The following LIPC variants were observed in gnomAD, a reference collection of about 807,000 sequenced individuals.
LIPC encodes hepatic triacylglycerol lipase.
LIPC carries 44 observed loss-of-function variants against 50.7 expected under a neutral mutation model. That is an observed-to-expected ratio of 0.87 (90% CI 0.68 to 1.11). The LOEUF is 1.11. Among genes scored for constraint, LIPC ranks in the 50% most tolerant of loss-of-function variants. The probability of loss-of-function intolerance (pLI) is 0.00; values close to 1 mark genes in which losing one functional copy is unlikely to be tolerated. For missense variants in LIPC, 697 were observed against 648.2 expected (o/e 1.08, Z -0.82); for synonymous variants, 271 against 256.4 (o/e 1.06, Z -0.54).
intron 1 of LIPC, among the ~76,000 whole-genome samples, chr15:58,530,891 T>C (rs1892940776): frequency 6.6e-6 from 1 of 152,254 alleles, no homozygotes; most frequent in Admixed American, 6.5e-5. Context: ...TATGCGACAA[T>C]TTGTTTATCC....
At position 58,490,546 on chromosome 15, in the gene LIPC, G is replaced by A. The variant is rs571237830; in HGVS notation, c.89-47787G>A. On this transcript the variant is annotated intron_variant, in intron 1 of 8. Transcript: ENST00000299022. ...CTCACCTCCGGAGAGAATGCAAGGC[G>A]CCCTCCTTCCAAATCTGGCCCGTCA... Among the ~76,000 whole-genome samples, 8 of 152,192 alleles carry A rather than the reference G, an allele frequency of 5.3e-5. 2 individuals carry two copies. The South Asian group carries it at 1.5e-3, about 28-fold the overall frequency.
Position 58,439,433 on chromosome 15 carries a change from G to T in LIPC, c.88+7313G>T, listed in dbSNP as rs1021690330. Among the ~76,000 whole-genome samples, 5 of 152,104 alleles carry T rather than the reference G, an allele frequency of 3.3e-5. 1 individual carries two copies. Among genetic ancestry groups the T allele is most frequent in the African/African-American group, 1.2e-4 (5 of 41,420 alleles). On this transcript the variant is annotated intron_variant, in intron 1 of 8. Transcript: ENST00000299022. ...TAGTGGGTAATGAAGCACCTAAAAG[G>T]CTGCTTTTTTTGTTTGTTTGTTTTT... is the stretch of plus-strand genomic sequence containing the variant.
chr15:58,554,970 G>A (rs72743035), intron 6 of LIPC, among the ~76,000 whole-genome samples: 1 of 152,132 alleles, frequency 6.6e-6, no homozygotes, highest in Admixed American at 6.5e-5. Context: ...TCCCTGGTGA[G>A]CCTCAGAAAG....
At chr15:58,447,387 G>C (rs1893734991) in intron 1 of LIPC, among the ~76,000 whole-genome samples, 1 of 152,074 alleles carries the variant, frequency 6.6e-6, no homozygotes, top group African/African-American at 2.4e-5. Context: ...CTGCCCTCCA[G>C]ACCACAAGTC....
rs529923503 is a variant in LIPC, at chr15:58,434,469, G to A, written c.88+2349G>A. 3.7e-4 allele frequency among the ~76,000 whole-genome samples: 57 copies of A among 152,230 alleles called. 1 individual carries two copies. The South Asian group carries it at 9.7e-3, about 26-fold the overall frequency. On this transcript the variant is annotated intron_variant, in intron 1 of 8. Transcript: ENST00000299022. ...GCTGGCAGTTAAGTGCCTTGCCGGCGGTCGCATAGCTGGTCAGGGCAGAGC... is the reference window on the plus strand; with the variant it reads ...GCTGGCAGTTAAGTGCCTTGCCGGCAGTCGCATAGCTGGTCAGGGCAGAGC...
chr15:58,489,525 C>T (rs965185005), intron 1 of LIPC, among the ~76,000 whole-genome samples: 5 of 152,068 alleles, frequency 3.3e-5, no homozygotes, highest in Non-Finnish European at 5.9e-5. Flanking sequence ...GGTCCTTGTG[C>T]ACTCAGTTGG....
At chr15:58,562,808 C>A (rs1187749240) in intron 7 of LIPC, among the ~76,000 whole-genome samples, 2 of 151,338 alleles carry the variant, frequency 1.3e-5, no homozygotes, top group African/African-American at 2.4e-5. Flanking sequence ...ACAAGGGACC[C>A]CCCCCCAACC....
At chr15:58,507,356 G>A (rs553987071) in intron 1 of LIPC, among the ~76,000 whole-genome samples, 1 of 151,866 alleles carries the variant, frequency 6.6e-6, no homozygotes, top group Admixed American at 6.5e-5. Context: ...AGGAAGGAAG[G>A]AAGCAAAGAA....
chr15:58,478,851 A>G (rs1212574804), intron 1 of LIPC, among the ~76,000 whole-genome samples: 2 of 152,248 alleles, frequency 1.3e-5, no homozygotes, highest in African/African-American at 4.8e-5. Context: ...GAATAAATGA[A>G]TGAATGAGAA....
At chr15:58,477,487 G>A (rs1891039741) in intron 1 of LIPC, among the ~76,000 whole-genome samples, 1 of 152,194 alleles carries the variant, frequency 6.6e-6, no homozygotes, top group Non-Finnish European at 1.5e-5. Context: ...ATGAGCCAAA[G>A]CAATTTTGAA....
At chr15:58,472,290 A>G (rs1018605745) in intron 1 of LIPC, among the ~76,000 whole-genome samples, 40 of 147,644 alleles carry the variant, frequency 2.7e-4, no homozygotes, top group Admixed American at 8.1e-4. Context: ...AAAAAAAAAA[A>G]AAAGAAATCT....
intron 1 of LIPC, among the ~76,000 whole-genome samples, chr15:58,438,321 G>T (rs1893379366): frequency 6.6e-6 from 1 of 152,068 alleles, no homozygotes; most frequent in East Asian, 1.9e-4. Flanking sequence ...CCTCAGCCTG[G>T]GTGTCCCTGA....
At position 58,440,531 on chromosome 15, in the gene LIPC, C is replaced by A. The variant is rs1394685926; in HGVS notation, c.88+8411C>A. On this transcript the variant is annotated intron_variant, in intron 1 of 8. Coordinates refer to ENST00000299022, the MANE Select transcript of LIPC (RefSeq NM_000236.3). ...CCCATGGTCAGTAGGAAAGTATATC[C>A]CTGAGGGTACAAAAATGAAAAAGCG... Among the ~76,000 whole-genome samples, 14 of 152,278 alleles carry A rather than the reference C, an allele frequency of 9.2e-5. No individual in the cohort carries two copies. The South Asian group carries it at 2.3e-3, about 25-fold the overall frequency.
chr15:58,546,862 G>T (rs2140924253), intron 5 of LIPC, among the ~76,000 whole-genome samples: 1 of 152,068 alleles, frequency 6.6e-6, no homozygotes, highest in South Asian at 2.1e-4. Context: ...TCTCATTTTG[G>T]CTGGACTCCC....
At chr15:58,470,935 TCCTAATA>T (rs1187286887) in intron 1 of LIPC, among the ~76,000 whole-genome samples, 4 of 152,068 alleles carry the variant, frequency 2.6e-5, no homozygotes, top group African/African-American at 7.2e-5. Context: ...CTTTTCATCT[TCCTAATA>T]CCTAACACCT....
chr15:58,538,535 G>T lies in LIPC; in HGVS notation c.273+18G>T. 1 of 1,611,876 alleles carries T rather than the reference G, an allele frequency of 6.2e-7. No individual in the cohort carries two copies. The highest frequency in any genetic ancestry group is 8.5e-7 in the Non-Finnish European group (1 of 1,177,992). ...GGTGGTCGGTAGGAAATGCTGACAT[G>T]CCGTTTTTCTCTCCGATTTCACATT... On this transcript the variant is annotated intron_variant, in intron 2 of 8. Transcript: ENST00000299022.
intron 1 of LIPC, among the ~76,000 whole-genome samples, chr15:58,437,456 T>C (rs933773412): frequency 1.3e-5 from 2 of 152,168 alleles, no homozygotes; most frequent in African/African-American, 4.8e-5. Flanking sequence ...ACACATGCTG[T>C]ATATTGCTAG....
chr15:58,544,391 C>CTTTTTTTTTTT (rs572161614), intron 4 of LIPC, among the ~76,000 whole-genome samples: 6 of 110,272 alleles, frequency 5.4e-5, no homozygotes, highest in South Asian at 3.2e-4. Context: ...TTCTTTTTCT[C>CTTTTTTTTTTT]TTTCTTTTTT....
chr15:58,552,557 C>G (rs1385975736), intron 6 of LIPC, among the ~76,000 whole-genome samples: 1 of 152,222 alleles, frequency 6.6e-6, no homozygotes, highest in Non-Finnish European at 1.5e-5. Flanking sequence ...TCACCCACGG[C>G]CCTGCACTCC....
Sources: allele counts gnomAD v4.1 joint callset (sites outside exome capture counted in the v4.1 genomes callset), GRCh38; gene constraint gnomAD v4.1.1; transcripts MANE v1.5; gene names NCBI Gene and HGNC (gene_info 2026-07-23, HGNC 2026-07-21).